Variants in CLNS1A observed in about 807,000 individuals in gnomAD.
The protein encoded by CLNS1A is methylosome subunit pICln.
In CLNS1A, 16 loss-of-function variants were observed where a neutral mutation model predicts 29.4. That is an observed-to-expected ratio of 0.54 (90% confidence interval 0.37 to 0.83). The LOEUF (loss-of-function observed/expected upper bound fraction) is 0.83, where lower values mean the gene tolerates loss of function less well. Ranked by LOEUF, CLNS1A falls within the 40% of genes least tolerant of loss-of-function variation. The pLI is 0.00. For synonymous variants in CLNS1A, 96 were observed against 104.8 expected (o/e 0.92, Z 0.51); for missense variants, 235 against 287.4 (o/e 0.82, Z 1.32).
intron 6 of CLNS1A, among the ~76,000 whole-genome samples, chr11:77,618,166 T>C (rs977795679): frequency 2.6e-5 from 4 of 152,218 alleles, no homozygotes; most frequent in African/African-American, 9.7e-5. Flanking sequence ...ATGTTCTCTG[T>C]ATAGTCTATT....
intron 4 of CLNS1A, among the ~76,000 whole-genome samples, chr11:77,622,883 G>A (rs1447474737): frequency 1.3e-5 from 2 of 151,678 alleles, no homozygotes; most frequent in African/African-American, 4.8e-5. Flanking sequence ...CAGAGGTGGA[G>A]GTTGCAGTGA....
At chr11:77,617,827 A>G (rs1958920266) in intron 6 of CLNS1A, among the ~76,000 whole-genome samples, 1 of 151,922 alleles carries the variant, frequency 6.6e-6, no homozygotes, top group South Asian at 2.1e-4. Flanking sequence ...CTGAAGCAGG[A>G]GAATCGCTTG....
intron 1 of CLNS1A, among the ~76,000 whole-genome samples, chr11:77,636,333 G>C (rs1306787900): frequency 6.6e-6 from 1 of 152,156 alleles, no homozygotes; most frequent in Non-Finnish European, 1.5e-5. Context: ...CTCCCAAAGT[G>C]CTGGGATTAC....
chr11:77,620,934 A>T (rs1296112894), intron 5 of CLNS1A, among the ~76,000 whole-genome samples: 1 of 152,026 alleles, frequency 6.6e-6, no homozygotes, highest in African/African-American at 2.4e-5. Context: ...GTAAGCCAAG[A>T]TCATGCCACT....
At chr11:77,627,816 T>C (rs952628171) in intron 2 of CLNS1A, among the ~76,000 whole-genome samples, 2 of 152,164 alleles carry the variant, frequency 1.3e-5, no homozygotes, top group South Asian at 2.1e-4. Context: ...AGCAAGTTAA[T>C]GACAGAGTTC....
At chr11:77,619,778 A>C (rs944741930) in intron 5 of CLNS1A, 83 bp from the exon 6 acceptor site, 11 of 951,790 alleles carry the variant, frequency 1.2e-5, no homozygotes, top group Non-Finnish European at 1.9e-5. Context: ...ACCAGAAGGA[A>C]GCTAGTGCCC....
At chr11:77,624,850 G>C (rs1565126247) in intron 4 of CLNS1A, 113 bp downstream of exon 4, 6 of 627,310 alleles carry the variant, frequency 9.6e-6, no homozygotes, top group Non-Finnish European at 1.4e-5. Flanking sequence ...TTACCATACT[G>C]CATACTTTAC....
intron 3 of CLNS1A, 174 bp from the exon 4 acceptor site, chr11:77,625,244 C>T (rs1176022086): frequency 1.7e-6 from 1 of 585,486 alleles, no homozygotes; most frequent in African/African-American, 1.9e-5. Flanking sequence ...AATAAGAGTT[C>T]ATTATGAGAG....
Position 77,625,716 on chromosome 11 carries a change from C to A in CLNS1A, c.364+1G>T. On this transcript the variant is annotated splice_donor_variant, in intron 3 of 6. Coordinates refer to ENST00000525428, the MANE Select transcript of CLNS1A (RefSeq NM_001293.3). LOFTEE classifies it high-confidence loss of function. ...AAGAATCAATACTGTAGAACACTCA[C>A]ACGCTGATTTATCACTAGGCACAAA... 6.2e-7 allele frequency: 1 copy of A among 1,609,770 alleles called. No individual in the cohort carries two copies. Among genetic ancestry groups the A allele is most frequent in the Non-Finnish European group, 8.5e-7 (1 of 1,178,326 alleles).
chr11:77,624,961 A>T lies in CLNS1A; in HGVS notation c.472+2T>A. On this transcript the variant is annotated splice_donor_variant, in intron 4 of 6. Transcript: ENST00000525428. LOFTEE classifies it high-confidence loss of function. ...ACCCACTTTAAAATCCATTTCACTA[A>T]CCATGTGCTTCCACATCATATTCTT... The T allele has an allele frequency of 1.3e-6, 2 of 1,592,336 alleles. No homozygotes were observed. The highest frequency in any genetic ancestry group is 1.7e-6 in the Non-Finnish European group (2 of 1,163,742).
chr11:77,626,716 G>A (rs1425490755), intron 2 of CLNS1A, among the ~76,000 whole-genome samples: 1 of 140,018 alleles, frequency 7.1e-6, no homozygotes, highest in Non-Finnish European at 1.6e-5. Context: ...TTTTGAGACG[G>A]AGTCTTGCTC....
intron 4 of CLNS1A, among the ~76,000 whole-genome samples, chr11:77,623,435 G>T (rs1399129399): frequency 1.3e-5 from 2 of 151,346 alleles, no homozygotes; most frequent in Non-Finnish European, 2.9e-5. Context: ...CCAAAAAAAT[G>T]TTTTTTTTAA....
At chr11:77,637,550 C>T (rs775473815) in intron 1 of CLNS1A, 40 bp downstream of exon 1, 2 of 1,570,456 alleles carry the variant, frequency 1.3e-6, no homozygotes, top group South Asian at 1.2e-5. Flanking sequence ...AGGAGGAGGG[C>T]GGCGCGCAGG....
intron 1 of CLNS1A, among the ~76,000 whole-genome samples, chr11:77,632,230 C>T (rs1226432292): frequency 1.3e-5 from 2 of 152,332 alleles, no homozygotes; most frequent in African/African-American, 4.8e-5. Flanking sequence ...GAGTCCCCTA[C>T]AAAAGCTGTA....
At chr11:77,619,064 ACAAT>A (rs1958931531) in intron 6 of CLNS1A, among the ~76,000 whole-genome samples, 1 of 152,222 alleles carries the variant, frequency 6.6e-6, no homozygotes, top group South Asian at 2.1e-4. Context: ...AAGGACTACT[ACAAT>A]TACTGGTTCT....
intron 4 of CLNS1A, 66 bp from the exon 5 acceptor site, chr11:77,622,739 T>G: frequency 7.9e-7 from 1 of 1,257,940 alleles, no homozygotes; most frequent in South Asian, 1.6e-5. Context: ...GAATCAATAA[T>G]ATATCTGCCG....
chr11:77,620,240 G>A (rs140821768), intron 5 of CLNS1A, among the ~76,000 whole-genome samples: 130 of 152,216 alleles, frequency 8.5e-4, no homozygotes, highest in Middle Eastern at 6.8e-3. Context: ...ATGGGGGCAG[G>A]TCTTTCCCGT....
At chr11:77,617,367 C>CAAAAAAA (rs71043593) in intron 6 of CLNS1A, among the ~76,000 whole-genome samples, 6 of 65,864 alleles carry the variant, frequency 9.1e-5, no homozygotes, top group African/African-American at 3.3e-4. Context: ...AACTCCATCT[C>CAAAAAAA]AAAAAAAAAA....
chr11:77,617,019 CTTAA>C (rs941829644), intron 6 of CLNS1A, among the ~76,000 whole-genome samples: 1 of 152,192 alleles, frequency 6.6e-6, no homozygotes, highest in Non-Finnish European at 1.5e-5. Flanking sequence ...ATAAACTACT[CTTAA>C]TTATTTATTC....
Sources: gnomAD v4.1 joint callset for allele counts (sites outside exome capture counted in the v4.1 genomes callset) on GRCh38, gnomAD v4.1.1 for gene constraint, MANE v1.5 for transcripts, NCBI Gene and HGNC (gene_info 2026-07-23, HGNC 2026-07-21) for gene names.